The following SCLT1 variants were observed in gnomAD, a reference collection of about 807,000 sequenced individuals.
The protein encoded by SCLT1 is sodium channel and clathrin linker 1, also known as sodium channel-associated protein 1.
Under a neutral mutation model 112.8 loss-of-function variants are expected in SCLT1, and 78 were observed. The observed-to-expected ratio is 0.69, with a 90% CI of 0.58 to 0.83. The LOEUF (loss-of-function observed/expected upper bound fraction) is 0.83, where lower values mean the gene tolerates loss of function less well. SCLT1 is among the 40% of genes least tolerant of loss of function. SCLT1 has a pLI of 0.00. For synonymous variants in SCLT1, 257 were observed against 254.7 expected, an observed-to-expected ratio of 1.01 and a Z score of -0.09; for missense variants, 747 against 770.4, an observed-to-expected ratio of 0.97 and a Z score of 0.36.
intron 9 of SCLT1, among the ~76,000 whole-genome samples, chr4:128,982,983 G>C (rs1741792086): frequency 6.6e-6 from 1 of 152,090 alleles, no homozygotes; most frequent in Non-Finnish European, 1.5e-5. Context: ...CCACCTCCCA[G>C]GTTCAAGTGA....
chr4:128,978,200 G>A (rs908005899), intron 9 of SCLT1, among the ~76,000 whole-genome samples: 1 of 152,052 alleles, frequency 6.6e-6, no homozygotes, highest in Admixed American at 6.5e-5. Flanking sequence ...GGAGTTTACT[G>A]TCAAAAAATA....
At chr4:129,065,561 T>C (rs1360334334) in intron 2 of SCLT1, among the ~76,000 whole-genome samples, 4 of 152,060 alleles carry the variant, frequency 2.6e-5, no homozygotes, top group Admixed American at 6.6e-5. Context: ...AGACAATATA[T>C]AAACAAATGA....
chr4:128,876,761 ATTGC>A (rs1419918666), intron 3 of SCLT1: 2 of 152,228 alleles, frequency 1.3e-5, no homozygotes, highest in Admixed American at 6.5e-5. Flanking sequence ...GTGTGAAGAG[ATTGC>A]TTATTGGGCA....
At chr4:128,922,890 C>T (rs1735988925) in intron 18 of SCLT1, among the ~76,000 whole-genome samples, 1 of 152,030 alleles carries the variant, frequency 6.6e-6, no homozygotes, top group Non-Finnish European at 1.5e-5. Flanking sequence ...TCAGAAGAGA[C>T]TGTGTGACTG....
intron 18 of SCLT1, among the ~76,000 whole-genome samples, chr4:128,900,352 C>G (rs550612357): frequency 2.6e-5 from 4 of 152,078 alleles, no homozygotes; most frequent in East Asian, 1.9e-4. Flanking sequence ...GAACAGAACA[C>G]AGCCCTCAGA....
intron 3 of SCLT1, among the ~76,000 whole-genome samples, chr4:128,878,140 A>AT (rs1732563668): frequency 6.6e-6 from 1 of 152,192 alleles, no homozygotes; most frequent in African/African-American, 2.4e-5. Flanking sequence ...CCAAGTCGGC[A>AT]TTTTTGTGAT....
At chr4:128,892,265 T>C (rs2125924957) in intron 18 of SCLT1, among the ~76,000 whole-genome samples, 1 of 152,316 alleles carries the variant, frequency 6.6e-6, no homozygotes, top group Admixed American at 6.5e-5. Context: ...TGAACAAATA[T>C]CAGATAAATT....
intron 10 of SCLT1, among the ~76,000 whole-genome samples, chr4:128,969,693 G>A (rs977453272): frequency 6.6e-6 from 1 of 152,190 alleles, no homozygotes; most frequent in Non-Finnish European, 1.5e-5. Context: ...GGGGTTGGGA[G>A]AACCATCAGG....
chr4:128,982,658 T>C (rs977219966), intron 9 of SCLT1, among the ~76,000 whole-genome samples: 1 of 151,660 alleles, frequency 6.6e-6, no homozygotes, highest in Non-Finnish European at 1.5e-5. Context: ...CCCATCACCA[T>C]GCCCGGCTAA....
intron 2 of SCLT1, among the ~76,000 whole-genome samples, chr4:129,068,205 T>C (rs1411901471): frequency 1.3e-5 from 2 of 152,154 alleles, no homozygotes; most frequent in Non-Finnish European, 2.9e-5. Context: ...TTCCATCACA[T>C]ATATATGTAT....
chr4:129,006,916 G>A (rs149081562), intron 5 of SCLT1, among the ~76,000 whole-genome samples: 11 of 152,102 alleles, frequency 7.2e-5, no homozygotes, highest in Admixed American at 2.6e-4. Flanking sequence ...TCTAAGAATC[G>A]CCTTAGTGGC....
At chr4:128,875,039 CAAATT>C (rs3069728) in intron 4 of SCLT1, 37,092 of 150,126 alleles carry the variant, frequency 0.25, 6,109 homozygotes, top group African/African-American at 0.47. Flanking sequence ...AGTTAAAAAT[CAAATT>C]AAAGTATATG....
chr4:129,032,710 T>C (rs967316879), intron 5 of SCLT1, among the ~76,000 whole-genome samples: 1 of 152,060 alleles, frequency 6.6e-6, no homozygotes, highest in Non-Finnish European at 1.5e-5. Flanking sequence ...AAGATATTTA[T>C]ACAGCCAACA....
rs114911535 is a variant in SCLT1 at position 128,992,263 on chromosome 4, G to A, written c.616-26C>T. ...CTGCCACAAGAAAAAAAAAGAATCA[G>A]TATTAGAATATTTAATAACTGTATC... On this transcript the variant is annotated intron_variant, in intron 8 of 20. Coordinates refer to ENST00000281142, the MANE Select transcript of SCLT1 (RefSeq NM_144643.4). 1,271 of 1,434,858 alleles carry A rather than the reference G, an allele frequency of 8.9e-4. 7 individuals are homozygous for A. In the African/African-American group the frequency reaches 0.014, roughly 16 times the overall value. The allele number at this position is 1,434,858 out of a possible 1,614,324, so 88.9% of individuals were successfully genotyped here.
intron 5 of SCLT1, among the ~76,000 whole-genome samples, chr4:129,013,828 A>G (rs1363134537): frequency 6.6e-6 from 1 of 152,158 alleles, no homozygotes; most frequent in East Asian, 1.9e-4. Context: ...GGTTCTCTAC[A>G]TTTCCTGAAT....
intron 8 of SCLT1, among the ~76,000 whole-genome samples, chr4:128,996,489 T>A (rs1264654773): frequency 6.6e-6 from 1 of 152,186 alleles, no homozygotes; most frequent in African/African-American, 2.4e-5. Flanking sequence ...TTCTTCAAGT[T>A]TGATCTTGAC....
intron 17 of SCLT1, among the ~76,000 whole-genome samples, chr4:128,942,404 G>A (rs1166906399): frequency 6.6e-6 from 1 of 152,040 alleles, no homozygotes; most frequent in Non-Finnish European, 1.5e-5. Flanking sequence ...CATGGGGAAA[G>A]GTAAGCAAGA....
intron 2 of SCLT1, among the ~76,000 whole-genome samples, chr4:129,054,501 A>G (rs149887755): frequency 0.021 from 3,243 of 151,880 alleles, 51 homozygotes; most frequent in South Asian, 0.051. Flanking sequence ...CAGTAAGTTG[A>G]TTTTCAATCT....
chr4:128,926,476 T>G (rs889548041), intron 18 of SCLT1, among the ~76,000 whole-genome samples: 3 of 152,074 alleles, frequency 2.0e-5, no homozygotes, highest in Admixed American at 2.0e-4. Flanking sequence ...AAAAATATCT[T>G]TCAAGAATAA....
Sources: allele counts gnomAD v4.1 joint callset (sites outside exome capture counted in the v4.1 genomes callset), GRCh38; gene constraint gnomAD v4.1.1; transcripts MANE v1.5; gene names NCBI Gene and HGNC (gene_info 2026-07-23, HGNC 2026-07-21).